The following MSI2 variants were observed in gnomAD, a reference collection of about 807,000 sequenced individuals.
MSI2 encodes musashi RNA binding protein 2, also known as RNA-binding protein Musashi homolog 2.
In MSI2, 17 loss-of-function variants were observed where a neutral mutation model predicts 45.6. The ratio of observed to expected loss-of-function variants is 0.37; its 90% CI spans 0.26 to 0.56. The LOEUF (loss-of-function observed/expected upper bound fraction) is 0.56, where lower values mean the gene tolerates loss of function less well. MSI2 is among the 20% of genes least tolerant of loss of function. The pLI is 0.77. For missense variants in MSI2, 293 were observed against 444.2 expected, an observed-to-expected ratio of 0.66 and a Z score of 3.06; for synonymous variants, 156 against 158.2, an observed-to-expected ratio of 0.99 and a Z score of 0.11.
chr17:57,374,720 A>G (rs2083469313), intron 5 of MSI2, among the ~76,000 whole-genome samples: 1 of 152,180 alleles, frequency 6.6e-6, no homozygotes, highest in Non-Finnish European at 1.5e-5. Flanking sequence ...CAGAGGTTGC[A>G]GTAAGTCGAG....
intron 5 of MSI2, among the ~76,000 whole-genome samples, chr17:57,291,007 C>A (rs144011399): frequency 1.6e-4 from 25 of 152,314 alleles, no homozygotes; most frequent in African/African-American, 3.8e-4. Flanking sequence ...CCTGGCTGCA[C>A]CCCATCGTTA....
At chr17:57,317,566 A>G (rs952768583) in intron 5 of MSI2, among the ~76,000 whole-genome samples, 20 of 134,254 alleles carry the variant, frequency 1.5e-4, no homozygotes, top group Non-Finnish European at 2.9e-4. Context: ...GCTGGAATGC[A>G]GTAGCATGAT....
intron 7 of MSI2, among the ~76,000 whole-genome samples, chr17:57,577,353 G>T (rs1056551942): frequency 3.9e-5 from 6 of 152,156 alleles, no homozygotes; most frequent in African/African-American, 1.4e-4. Flanking sequence ...GCAAGATGGG[G>T]CCAGGGACCA....
chr17:57,583,356 T>A (rs2088254610), intron 7 of MSI2, among the ~76,000 whole-genome samples: 1 of 152,222 alleles, frequency 6.6e-6, no homozygotes, highest in South Asian at 2.1e-4. Flanking sequence ...GACAAGTGTC[T>A]TGCTGACATA....
chr17:57,528,097 T>A (rs1324832346), intron 6 of MSI2, among the ~76,000 whole-genome samples: 1 of 147,478 alleles, frequency 6.8e-6, no homozygotes, highest in Non-Finnish European at 1.5e-5. Context: ...CTAACAGTTT[T>A]ACCCCCCCTA....
Position 57,386,066 on chromosome 17 carries a change from A to G in MSI2, c.313-15313A>G, listed in dbSNP as rs2083681179. 2.0e-5 allele frequency among the ~76,000 whole-genome samples: 3 copies of G among 152,022 alleles called. No individual in the cohort carries two copies. The South Asian group carries it at 6.2e-4, about 32-fold the overall frequency. On this transcript the variant is annotated intron_variant, in intron 5 of 13. Coordinates refer to ENST00000284073, the MANE Select transcript of MSI2 (RefSeq NM_138962.4). Reference sequence around the variant, plus strand: ...TGCCAGTGGTTTCTGGCCCTTCCCTATTTTACTTGACCTTTTGACTGATTT... The same window carrying G: ...TGCCAGTGGTTTCTGGCCCTTCCCTGTTTTACTTGACCTTTTGACTGATTT...
At chr17:57,698,696 C>T in the MSI2 span, among the ~76,000 whole-genome samples, 7 of 152,154 alleles carry the variant, frequency 4.6e-5, no homozygotes, top group Non-Finnish European at 8.8e-5. Flanking sequence ...CTTTCCATCT[C>T]CTATCAATGC....
In MSI2 at chr17:57,629,786, T is replaced by C. The variant is rs560060702; in HGVS notation, c.727+2483T>C. 1.1e-3 allele frequency: 169 copies of C among 152,596 alleles called. 1 individual carries two copies. Among genetic ancestry groups the C allele is most frequent in the Non-Finnish European group, 1.7e-3 (119 of 68,248 alleles). The allele number at this position is 152,596 out of a possible 1,614,324, so 9.5% of individuals were successfully genotyped here. A position where few individuals can be genotyped will look rare whatever the true frequency, so the allele number is the denominator to read the frequency against. Reference sequence around the variant, plus strand: ...CGCTTCCCCTCCAGGGGATGACAGGTGCAAAGGCTCACGCATCTCGGCCCT... The same window carrying C: ...CGCTTCCCCTCCAGGGGATGACAGGCGCAAAGGCTCACGCATCTCGGCCCT... On this transcript the variant is annotated intron_variant, in intron 10 of 13. Coordinates refer to ENST00000284073, the MANE Select transcript of MSI2 (RefSeq NM_138962.4).
At chr17:57,379,938 T>C (rs1382827946) in intron 5 of MSI2, among the ~76,000 whole-genome samples, 1 of 152,268 alleles carries the variant, frequency 6.6e-6, no homozygotes, top group African/African-American at 2.4e-5. Flanking sequence ...TTTCTTTCTT[T>C]TTTTTGTTTT....
At chr17:57,305,476 G>A (rs1911801533) in intron 5 of MSI2, among the ~76,000 whole-genome samples, 1 of 152,200 alleles carries the variant, frequency 6.6e-6, no homozygotes, top group South Asian at 2.1e-4. Flanking sequence ...AATCTGCTCT[G>A]CGCCAGCAAG....
chr17:57,500,853 C>T (rs1366285972), intron 6 of MSI2, among the ~76,000 whole-genome samples: 1 of 145,906 alleles, frequency 6.9e-6, no homozygotes, highest in Admixed American at 6.8e-5. Context: ...GTCCCAGCTA[C>T]TTGGGAGGCT....
At chr17:57,353,919 A>C (rs1916226700) in intron 5 of MSI2, among the ~76,000 whole-genome samples, 1 of 152,154 alleles carries the variant, frequency 6.6e-6, no homozygotes, top group African/African-American at 2.4e-5. Flanking sequence ...TTAGGCTTTC[A>C]GGGATCAGGA....
At chr17:57,496,114 GAT>G (rs2085973904) in intron 6 of MSI2, among the ~76,000 whole-genome samples, 1 of 152,218 alleles carries the variant, frequency 6.6e-6, no homozygotes, top group Admixed American at 6.5e-5. Flanking sequence ...GATCCACAGA[GAT>G]CTGGGGCTTA....
At chr17:57,508,740 G>T (rs771909364) in intron 6 of MSI2, among the ~76,000 whole-genome samples, 4 of 152,200 alleles carry the variant, frequency 2.6e-5, no homozygotes, top group Non-Finnish European at 4.4e-5. Flanking sequence ...AGCCCGGCAG[G>T]CCTGGCCAAG....
chr17:57,613,448 A>G (rs1007233311), intron 8 of MSI2, among the ~76,000 whole-genome samples: 2 of 152,000 alleles, frequency 1.3e-5, no homozygotes, highest in African/African-American at 4.8e-5. Context: ...ATCCAAACTC[A>G]GCTAATTCCC....
At chr17:57,399,461 C>G (rs1437714769) in intron 5 of MSI2, among the ~76,000 whole-genome samples, 2 of 152,110 alleles carry the variant, frequency 1.3e-5, no homozygotes, top group African/African-American at 4.8e-5. Context: ...TGGCATGTGT[C>G]TTCTGTGGGA....
the MSI2 span, among the ~76,000 whole-genome samples, chr17:57,700,751 A>G: frequency 6.6e-6 from 1 of 152,048 alleles, no homozygotes; most frequent in Admixed American, 6.5e-5. Context: ...AAAAATACAA[A>G]AATAGCTGGG....
At chr17:57,467,843 T>G (rs2085356846) in intron 6 of MSI2, among the ~76,000 whole-genome samples, 1 of 143,120 alleles carries the variant, frequency 7.0e-6, no homozygotes, top group Non-Finnish European at 1.5e-5. Context: ...TGCACGTATA[T>G]GGCCCACCCC....
chr17:57,505,710 G>A (rs139908539), intron 6 of MSI2, among the ~76,000 whole-genome samples: 107 of 152,224 alleles, frequency 7.0e-4, no homozygotes, highest in Middle Eastern at 3.4e-3. Flanking sequence ...TGGTATGGCC[G>A]AGTGCCATCT....
Sources: gnomAD v4.1 joint callset for allele counts (sites outside exome capture counted in the v4.1 genomes callset) on GRCh38, gnomAD v4.1.1 for gene constraint, MANE v1.5 for transcripts, NCBI Gene and HGNC (gene_info 2026-07-23, HGNC 2026-07-21) for gene names.